The following MKLN1 variants were observed in gnomAD, a reference collection of about 807,000 sequenced individuals.
MKLN1 encodes muskelin 1, also known as muskelin.
Under a neutral mutation model 99.0 loss-of-function variants are expected in MKLN1, and 18 were observed. The ratio of observed to expected loss-of-function variants is 0.18; its 90% CI spans 0.13 to 0.27. The LOEUF (loss-of-function observed/expected upper bound fraction) is 0.27. Ranked by LOEUF, MKLN1 falls within the 10% of genes least tolerant of loss-of-function variation. The pLI, the probability that MKLN1 is intolerant of heterozygous loss-of-function variation, is 1.00. For synonymous variants in MKLN1, 288 were observed against 293.2 expected, an observed-to-expected ratio of 0.98 and a Z score of 0.18; for missense variants, 621 against 875.9, an observed-to-expected ratio of 0.71 and a Z score of 3.67.
Position 131,491,027 on chromosome 7 carries a change from TGAA to T in MKLN1, c.*3304_*3306del. The T allele has an allele frequency of 6.6e-6, 1 of 152,172 alleles. No individual in the cohort carries two copies. The highest frequency in any genetic ancestry group is 1.5e-5 in the Non-Finnish European group (1 of 68,014). 9.4% of individuals were successfully genotyped at this position (152,172 alleles called of 1,614,324 possible). ...TATACTCAATTTCATGGTAATTACA[TGAA>T]GAAGTTACCTGCAATTATTCTTAAC... On this transcript the variant is annotated 3_prime_UTR_variant, in exon 18 of 18. Transcript: ENST00000352689.
chr7:131,279,877 C>T (rs566520919), intron 3 of MKLN1, among the ~76,000 whole-genome samples: 1 of 152,154 alleles, frequency 6.6e-6, no homozygotes, highest in Non-Finnish European at 1.5e-5. Context: ...TATTGTGCAA[C>T]CATCACAACT....
chr7:131,445,507 T>C (rs1291317916), intron 11 of MKLN1, among the ~76,000 whole-genome samples: 5 of 152,028 alleles, frequency 3.3e-5, no homozygotes, highest in Non-Finnish European at 7.4e-5. Flanking sequence ...TGCACAGATA[T>C]TCCTTCTTCT....
intron 2 of MKLN1, among the ~76,000 whole-genome samples, chr7:131,377,412 T>C: frequency 6.6e-6 from 1 of 152,192 alleles, no homozygotes; most frequent in Non-Finnish European, 1.5e-5. Context: ...ATAATTTGCT[T>C]TTTCCTATTT....
At chr7:131,113,842 A>G (rs1302110223) in intron 1 of MKLN1, among the ~76,000 whole-genome samples, 1 of 152,024 alleles carries the variant, frequency 6.6e-6, no homozygotes, top group East Asian at 1.9e-4. Context: ...GGAAGCAGCC[A>G]CCTTCACAAG....
intron 10 of MKLN1, among the ~76,000 whole-genome samples, chr7:131,442,631 A>C (rs150875331): frequency 6.6e-6 from 1 of 152,378 alleles, no homozygotes; most frequent in East Asian, 1.9e-4. Flanking sequence ...AGAATTGAAC[A>C]TCAAATGGTT....
At chr7:131,339,613 T>A (rs1359100564) in intron 1 of MKLN1, among the ~76,000 whole-genome samples, 1 of 151,958 alleles carries the variant, frequency 6.6e-6, no homozygotes, top group Non-Finnish European at 1.5e-5. Flanking sequence ...GCACGAGAAT[T>A]GCTTGAATCC....
chr7:131,213,553 A>G (rs937411818), intron 3 of MKLN1, among the ~76,000 whole-genome samples: 35 of 152,222 alleles, frequency 2.3e-4, no homozygotes, highest in African/African-American at 8.2e-4. Context: ...GTTGAGCAGA[A>G]TTCCTCACCT....
At chr7:131,459,799 C>T (rs905319820) in intron 12 of MKLN1, among the ~76,000 whole-genome samples, 3 of 151,896 alleles carry the variant, frequency 2.0e-5, no homozygotes, top group African/African-American at 7.3e-5. Context: ...ACATGCCTAG[C>T]TTGCAGTGGG....
At chr7:131,330,564 T>G (rs1399033499) in intron 1 of MKLN1, among the ~76,000 whole-genome samples, 1 of 152,218 alleles carries the variant, frequency 6.6e-6, no homozygotes, top group Non-Finnish European at 1.5e-5. Flanking sequence ...AGAATTTGAA[T>G]CAAGGTAGTC....
chr7:131,472,419 A>G (rs1796844253), intron 16 of MKLN1, among the ~76,000 whole-genome samples: 1 of 152,248 alleles, frequency 6.6e-6, no homozygotes, highest in Admixed American at 6.5e-5. Flanking sequence ...AGGTATCTCA[A>G]GTTCATTTGA....
rs554035267 is a variant in MKLN1, at chr7:131,382,787, G to A, written c.169-4333G>A. Reference sequence around the variant, plus strand: ...CTCCCAGGCTGGAGTGCAGTGGTGCGATCTTGGCTCACTGCAAGCTCCGCC... The same window carrying A: ...CTCCCAGGCTGGAGTGCAGTGGTGCAATCTTGGCTCACTGCAAGCTCCGCC... On this transcript the variant is annotated intron_variant, in intron 2 of 17. Coordinates refer to ENST00000352689, the MANE Select transcript of MKLN1 (RefSeq NM_013255.5). 1.3e-3 allele frequency among the ~76,000 whole-genome samples: 203 copies of A among 152,044 alleles called. 1 individual carries two copies. Among genetic ancestry groups the A allele is most frequent in the Admixed American group, 2.4e-3 (36 of 15,274 alleles).
chr7:131,246,002 G>A (rs1797481718), intron 3 of MKLN1, among the ~76,000 whole-genome samples: 1 of 152,224 alleles, frequency 6.6e-6, no homozygotes, highest in Non-Finnish European at 1.5e-5. Flanking sequence ...CAAGCCAGGT[G>A]CCCTAGGGCC....
intron 3 of MKLN1, among the ~76,000 whole-genome samples, chr7:131,313,435 A>G (rs1264229914): frequency 6.6e-6 from 1 of 152,194 alleles, no homozygotes; most frequent in African/African-American, 2.4e-5. Flanking sequence ...AGAGAAAAAA[A>G]TTTTAGTCAT....
chr7:131,475,356 T>A (rs1796935040), intron 16 of MKLN1, among the ~76,000 whole-genome samples: 1 of 152,002 alleles, frequency 6.6e-6, no homozygotes, highest in Admixed American at 6.6e-5. Context: ...GAATTTGTAA[T>A]AAAAAATTTT....
At chr7:131,172,209 C>T (rs1344600192) in intron 2 of MKLN1, among the ~76,000 whole-genome samples, 1 of 151,986 alleles carries the variant, frequency 6.6e-6, no homozygotes, top group Non-Finnish European at 1.5e-5. Flanking sequence ...GACACGAACT[C>T]GGCTCACTGC....
intron 1 of MKLN1, among the ~76,000 whole-genome samples, chr7:131,116,610 ATAG>A (rs1034322736): frequency 6.6e-6 from 1 of 152,092 alleles, no homozygotes; most frequent in African/African-American, 2.4e-5. Flanking sequence ...CTTTGAAAAG[ATAG>A]TAGGATATCT....
intron 2 of MKLN1, among the ~76,000 whole-genome samples, chr7:131,179,898 T>C (rs1796355090): frequency 6.6e-6 from 1 of 151,746 alleles, no homozygotes; most frequent in Non-Finnish European, 1.5e-5. Flanking sequence ...TAACATTTAT[T>C]TTTTATTTTT....
At chr7:131,292,924 G>T (rs1263583794) in intron 3 of MKLN1, among the ~76,000 whole-genome samples, 1 of 152,168 alleles carries the variant, frequency 6.6e-6, no homozygotes, top group South Asian at 2.1e-4. Flanking sequence ...CTAATAGTGG[G>T]ACAACCCGAC....
At chr7:131,133,829 T>TG (rs1795604354) in intron 1 of MKLN1, among the ~76,000 whole-genome samples, 1 of 131,502 alleles carries the variant, frequency 7.6e-6, no homozygotes, top group East Asian at 2.2e-4. Context: ...GGTTTTTTTT[T>TG]TTTTTTTTTT....
Sources: allele counts gnomAD v4.1 joint callset (sites outside exome capture counted in the v4.1 genomes callset), GRCh38; gene constraint gnomAD v4.1.1; transcripts MANE v1.5; gene names NCBI Gene and HGNC (gene_info 2026-07-23, HGNC 2026-07-21).